The following AUTS2 variants were observed in gnomAD, a reference collection of about 807,000 sequenced individuals.
The protein encoded by AUTS2 is autism susceptibility gene 2 protein.
A neutral mutation model predicts 112.4 loss-of-function variants in AUTS2; 17 were observed. The ratio of observed to expected loss-of-function variants is 0.15; its 90% CI spans 0.10 to 0.23. The LOEUF (loss-of-function observed/expected upper bound fraction) is 0.23. Ranked by LOEUF, AUTS2 falls within the 10% of genes least tolerant of loss-of-function variation. The pLI is 1.00. For missense variants in AUTS2, 1,510 were observed against 1,701.6 expected, an observed-to-expected ratio of 0.89 and a Z score of 1.98; for synonymous variants, 751 against 702.7, an observed-to-expected ratio of 1.07 and a Z score of -1.09.
At chr7:69,881,161 A>C (rs964617486) in intron 1 of AUTS2, among the ~76,000 whole-genome samples, 10 of 152,252 alleles carry the variant, frequency 6.6e-5, no homozygotes, top group African/African-American at 2.4e-4. Flanking sequence ...CAGCATTCAC[A>C]GCCACAATGC....
intron 1 of AUTS2, among the ~76,000 whole-genome samples, chr7:69,871,424 G>A (rs954088015): frequency 6.6e-5 from 10 of 152,116 alleles, no homozygotes; most frequent in East Asian, 3.8e-4. Context: ...AGTGGATGCC[G>A]GAAACCACAG....
chr7:70,755,132 C>T (rs1382506627), intron 6 of AUTS2, among the ~76,000 whole-genome samples: 1 of 152,088 alleles, frequency 6.6e-6, no homozygotes, highest in Non-Finnish European at 1.5e-5. Flanking sequence ...TAATATGCAC[C>T]ATGTTCTGAT....
At chr7:70,774,495 G>T (rs1487722859) in intron 12 of AUTS2, 5 of 183,636 alleles carry the variant, frequency 2.7e-5, no homozygotes, top group Non-Finnish European at 5.7e-5. Flanking sequence ...TGGAAGTCAG[G>T]CTACACACAT....
At position 69,745,481 on chromosome 7, in the gene AUTS2, C is replaced by T. The variant is rs370007003; in HGVS notation, c.309+145519C>T. The stretch of plus-strand genomic sequence containing the variant: ...CTCCTTTGCACTGTTACCACTGCAT[C>T]AGAGCATTTTAATCAGCTTGCTTTC... On this transcript the variant is annotated intron_variant, in intron 1 of 18. Coordinates refer to ENST00000342771, the MANE Select transcript of AUTS2 (RefSeq NM_015570.4). 6.6e-5 allele frequency among the ~76,000 whole-genome samples: 10 copies of T among 152,190 alleles called. No individual in the cohort carries two copies. In the East Asian group the frequency reaches 1.9e-3, roughly 29 times the overall value.
At chr7:69,839,770 G>A (rs1459014165) in intron 1 of AUTS2, among the ~76,000 whole-genome samples, 1 of 152,102 alleles carries the variant, frequency 6.6e-6, no homozygotes, top group Non-Finnish European at 1.5e-5. Context: ...CCTCACGAAT[G>A]GTCTGCTAGC....
chr7:70,345,260 C>T (rs547107976), intron 4 of AUTS2, among the ~76,000 whole-genome samples: 72 of 152,286 alleles, frequency 4.7e-4, no homozygotes, highest in Non-Finnish European at 9.6e-4. Context: ...CAGAAAGTCT[C>T]CCATACAGTT....
At chr7:70,021,312 T>A (rs1800263764) in intron 2 of AUTS2, among the ~76,000 whole-genome samples, 1 of 152,212 alleles carries the variant, frequency 6.6e-6, no homozygotes, top group Admixed American at 6.5e-5. Flanking sequence ...CTTAAGCTCT[T>A]CCATTTGAAC....
chr7:70,775,638 A>G (rs1431201910), intron 13 of AUTS2, among the ~76,000 whole-genome samples: 1 of 151,952 alleles, frequency 6.6e-6, no homozygotes, highest in Non-Finnish European at 1.5e-5. Context: ...TCTTGTTAGC[A>G]GTTCTGGTAA....
chr7:70,031,033 TAAGA>T (rs1007948820), intron 2 of AUTS2, among the ~76,000 whole-genome samples: 2 of 152,122 alleles, frequency 1.3e-5, no homozygotes, highest in African/African-American at 2.4e-5. Flanking sequence ...TGAAAGATTT[TAAGA>T]AAGAAAGAAA....
chr7:70,079,724 C>G (rs1803209163), intron 2 of AUTS2, among the ~76,000 whole-genome samples: 1 of 151,962 alleles, frequency 6.6e-6, no homozygotes, highest in African/African-American at 2.4e-5. Context: ...ACTTTAGTAG[C>G]CATGGTGGAA....
At position 70,296,878 on chromosome 7, in the gene AUTS2, G is replaced by A. The variant is rs578029267; in HGVS notation, c.661-138874G>A. On this transcript the variant is annotated intron_variant, in intron 4 of 18. Transcript: ENST00000342771. ...TTTTTTTGAGACAGTGTCTTGCTCT[G>A]TCACCCAGGCTGGAGTTCAGTGGTG... Among the ~76,000 whole-genome samples, 18 of 130,154 alleles carry A rather than the reference G, an allele frequency of 1.4e-4. No homozygotes were observed. In the South Asian group the frequency reaches 4.4e-3, roughly 31 times the overall value. 85.4% of individuals were successfully genotyped at this position (130,154 alleles called of 152,430 possible).
In AUTS2 at chr7:70,790,889, T is replaced by C; in HGVS notation, c.3673T>C (p.Ser1225Pro). The C allele has an allele frequency of 6.3e-7, 1 of 1,599,172 alleles. No homozygotes were observed. The highest frequency in any genetic ancestry group is 8.5e-7 in the Non-Finnish European group (1 of 1,172,370). ...GCTGAGCGCACCTCCCCCGCTCATCTCCACGCTGGGGGGCCGCCCGGTCTC... is the reference window on the plus strand; with the variant it reads ...GCTGAGCGCACCTCCCCCGCTCATCCCCACGCTGGGGGGCCGCCCGGTCTC... The part of the protein sequence containing the change: ...AALSAPPPLI[S>P]TLGGRPVSPR... The change falls in exon 19 of 19, where the codon TCC (serine) becomes CCC (proline). Residue 1225 changes from serine (S) to proline (P), a missense_variant. By Grantham distance (74) the Ser-to-Pro change is moderately conservative. Coordinates refer to ENST00000342771, the MANE Select transcript of AUTS2 (RefSeq NM_015570.4). The surrounding 1 kb of genome is among the most constrained non-coding windows in gnomAD (Gnocchi z 7.6).
chr7:70,693,133 G>T (rs1270503783), intron 5 of AUTS2, among the ~76,000 whole-genome samples: 1 of 152,202 alleles, frequency 6.6e-6, no homozygotes, highest in Non-Finnish European at 1.5e-5. Context: ...CAAGCTGCAG[G>T]TGTGGAATTA....
intron 4 of AUTS2, among the ~76,000 whole-genome samples, chr7:70,138,990 G>A (rs957812375): frequency 4.6e-5 from 7 of 151,890 alleles, no homozygotes; most frequent in Non-Finnish European, 1.0e-4. Flanking sequence ...CTTTTTGACA[G>A]GGTCTCACTG....
At chr7:69,737,197 G>C (rs759004805) in intron 1 of AUTS2, among the ~76,000 whole-genome samples, 1 of 152,118 alleles carries the variant, frequency 6.6e-6, no homozygotes, top group African/African-American at 2.4e-5. Flanking sequence ...TATGTTGTGC[G>C]AGTGTATAGA....
intron 2 of AUTS2, among the ~76,000 whole-genome samples, chr7:69,952,042 C>A (rs1797047109): frequency 6.6e-6 from 1 of 152,066 alleles, no homozygotes; most frequent in African/African-American, 2.4e-5. Context: ...ATTCTAGGTA[C>A]CTTCGTTGCT....
intron 5 of AUTS2, among the ~76,000 whole-genome samples, chr7:70,516,666 C>T (rs1006092640): frequency 1.3e-5 from 2 of 152,154 alleles, no homozygotes; most frequent in Non-Finnish European, 2.9e-5. Context: ...ATTAGAAACT[C>T]CAGGCACATC....
chr7:69,867,771 C>T (rs919288930), intron 1 of AUTS2, among the ~76,000 whole-genome samples: 6 of 152,128 alleles, frequency 3.9e-5, no homozygotes, highest in African/African-American at 1.4e-4. Context: ...TAATGTGTCA[C>T]CCTCCCTCTC....
intron 1 of AUTS2, among the ~76,000 whole-genome samples, chr7:69,686,851 C>T (rs1231016056): frequency 6.6e-6 from 1 of 152,152 alleles, no homozygotes; most frequent in East Asian, 1.9e-4. Flanking sequence ...GACAGAAGCT[C>T]CTTATCTCAC....
Sources: gnomAD v4.1 joint callset for allele counts (sites outside exome capture counted in the v4.1 genomes callset) on GRCh38, gnomAD v4.1.1 for gene constraint, Gnocchi (gnomAD v3.1) non-coding constraint, MANE v1.5 for transcripts, NCBI Gene and HGNC (gene_info 2026-07-23, HGNC 2026-07-21) for gene names.